EBF2: variants seen among roughly 807,000 people sequenced by gnomAD.
The protein encoded by EBF2 is EBF transcription factor 2, also known as transcription factor COE2.
Under a neutral mutation model 72.8 loss-of-function variants are expected in EBF2, and 21 were observed. That is an observed-to-expected ratio of 0.29 (90% confidence interval 0.20 to 0.42). EBF2 has a LOEUF of 0.42. Ranked by LOEUF, EBF2 falls within the 10% of genes least tolerant of loss-of-function variation. The probability of loss-of-function intolerance (pLI) is 1.00; values close to 1 mark genes in which losing one functional copy is unlikely to be tolerated. For missense variants in EBF2, 637 were observed against 731.2 expected, an observed-to-expected ratio of 0.87 and a Z score of 1.49; for synonymous variants, 299 against 274.2, an observed-to-expected ratio of 1.09 and a Z score of -0.89.
chr8:25,882,899 C>T (rs1355913496), intron 10 of EBF2, among the ~76,000 whole-genome samples: 1 of 152,186 alleles, frequency 6.6e-6, no homozygotes, highest in Admixed American at 6.5e-5. Flanking sequence ...TAAATACACA[C>T]GTCATGCAAA....
intron 7 of EBF2, among the ~76,000 whole-genome samples, chr8:25,890,208 C>T (rs576587466): frequency 6.6e-6 from 1 of 152,292 alleles, no homozygotes; most frequent in Admixed American, 6.5e-5. Flanking sequence ...CCACAGAAAG[C>T]TGGTGTGCCA....
intron 6 of EBF2, among the ~76,000 whole-genome samples, chr8:25,971,524 G>A (rs1804189830): frequency 1.3e-5 from 2 of 152,260 alleles, no homozygotes; most frequent in South Asian, 2.1e-4. Flanking sequence ...ATTTATGAGC[G>A]CTAAATTATT....
intron 6 of EBF2, among the ~76,000 whole-genome samples, chr8:26,026,431 T>C (rs747484907): frequency 5.3e-5 from 8 of 152,148 alleles, no homozygotes; most frequent in Admixed American, 3.3e-4. Flanking sequence ...ATTTGACAAA[T>C]AGGGGAACTG....
chr8:25,849,714 C>G (rs1048714458), intron 15 of EBF2, among the ~76,000 whole-genome samples: 1 of 152,108 alleles, frequency 6.6e-6, no homozygotes, highest in African/African-American at 2.4e-5. Flanking sequence ...TGTGTTATGT[C>G]ATGCCATATT....
chr8:25,960,348 G>C (rs1346537324), intron 6 of EBF2, among the ~76,000 whole-genome samples: 1 of 152,186 alleles, frequency 6.6e-6, no homozygotes, highest in Admixed American at 6.5e-5. Context: ...ACAGAGCTCA[G>C]CACAGAGCCC....
intron 6 of EBF2, among the ~76,000 whole-genome samples, chr8:26,005,431 A>AT (rs1804846946): frequency 7.4e-5 from 1 of 13,474 alleles, no homozygotes; most frequent in Non-Finnish European, 1.4e-4. Context: ...TATATATTAT[A>AT]TATATTATAT....
chr8:25,879,626 A>G (rs561522798), intron 10 of EBF2, among the ~76,000 whole-genome samples: 2 of 152,296 alleles, frequency 1.3e-5, no homozygotes, highest in Admixed American at 1.3e-4. Flanking sequence ...AACTGACTTC[A>G]GGGACAGCCC....
At chr8:25,917,199 GTTT>G (rs3034248) in intron 6 of EBF2, among the ~76,000 whole-genome samples, 2 of 143,136 alleles carry the variant, frequency 1.4e-5, no homozygotes, top group African/African-American at 5.1e-5. Context: ...GTGGTTTGGG[GTTT>G]TTTTTTTTTT....
At chr8:25,997,818 A>C (rs1160119446) in intron 6 of EBF2, among the ~76,000 whole-genome samples, 1 of 152,192 alleles carries the variant, frequency 6.6e-6, no homozygotes, top group Non-Finnish European at 1.5e-5. Context: ...ATCTGAGAAA[A>C]AGAACAGCAA....
At chr8:25,980,602 G>T (rs891839072) in intron 6 of EBF2, among the ~76,000 whole-genome samples, 6 of 151,958 alleles carry the variant, frequency 3.9e-5, no homozygotes, top group Admixed American at 1.3e-4. Flanking sequence ...GGGGAGAGAG[G>T]CAATAAATAT....
chr8:25,855,431 G>A (rs1447921718), intron 14 of EBF2, among the ~76,000 whole-genome samples: 1 of 152,102 alleles, frequency 6.6e-6, no homozygotes, highest in East Asian at 1.9e-4. Context: ...TTGAAGTAGT[G>A]CGAGAGCAAA....
At chr8:26,018,139 G>A (rs1438183228) in intron 6 of EBF2, among the ~76,000 whole-genome samples, 1 of 151,370 alleles carries the variant, frequency 6.6e-6, no homozygotes, top group Admixed American at 6.6e-5. Flanking sequence ...TCCCTTCGCA[G>A]GAGCAAACAA....
chr8:25,924,486 G>C (rs1803353956), intron 6 of EBF2, among the ~76,000 whole-genome samples: 1 of 152,172 alleles, frequency 6.6e-6, no homozygotes, highest in Non-Finnish European at 1.5e-5. Flanking sequence ...ACCAAGTTAG[G>C]GAGGGATCAA....
At chr8:25,934,799 C>T (rs1411955204) in intron 6 of EBF2, among the ~76,000 whole-genome samples, 1 of 152,196 alleles carries the variant, frequency 6.6e-6, no homozygotes, top group Non-Finnish European at 1.5e-5. Context: ...CGTATCCCAT[C>T]AGGTCTGCTT....
At chr8:25,866,024 C>CAA (rs550648526) in intron 10 of EBF2, among the ~76,000 whole-genome samples, 13 of 136,016 alleles carry the variant, frequency 9.6e-5, no homozygotes, top group African/African-American at 2.9e-4. Context: ...GACTCCGTCT[C>CAA]AAAAAAAAAA....
intron 6 of EBF2, among the ~76,000 whole-genome samples, chr8:25,953,421 T>C (rs533660571): frequency 6.6e-6 from 1 of 152,296 alleles, no homozygotes; most frequent in South Asian, 2.1e-4. Context: ...GCATTTAAAT[T>C]AAAGAAGAGA....
chr8:25,991,165 T>C, intron 6 of EBF2, among the ~76,000 whole-genome samples: 1 of 152,260 alleles, frequency 6.6e-6, no homozygotes, highest in East Asian at 1.9e-4. Context: ...CCATCATTTT[T>C]CCTCAGCATT....
rs577269902 is a variant in EBF2 at position 25,851,933 on chromosome 8, C to T, written c.1529-1172G>A. On this transcript the variant is annotated intron_variant, in intron 14 of 15. Coordinates refer to ENST00000520164, the MANE Select transcript of EBF2 (RefSeq NM_022659.4). Reference sequence around the variant, plus strand: ...CCCTATAAAAATATATTTTGGGCCACGTCCACCCAATTGCCTGTATAAAGC... The same window carrying T: ...CCCTATAAAAATATATTTTGGGCCATGTCCACCCAATTGCCTGTATAAAGC... Among the ~76,000 whole-genome samples the T allele has an allele frequency of 1.8e-4, 28 of 152,264 alleles. 1 individual carries two copies. The South Asian group carries it at 1.9e-3, about 10-fold the overall frequency.
In EBF2 at chr8:25,914,772, T is replaced by A. The variant is rs538663713; in HGVS notation, c.552-6217A>T. Among the ~76,000 whole-genome samples the A allele has an allele frequency of 1.8e-4, 28 of 152,310 alleles. 1 individual carries two copies. The South Asian group carries it at 5.8e-3, about 32-fold the overall frequency. ...TTTTGTAAGCTGATGTTCTACCGAA[T>A]CCATTTAGTTAAACAATCCCTCAAA... On this transcript the variant is annotated intron_variant, in intron 6 of 15. Transcript: ENST00000520164.
Sources: allele counts gnomAD v4.1 joint callset (sites outside exome capture counted in the v4.1 genomes callset), GRCh38; gene constraint gnomAD v4.1.1; transcripts MANE v1.5; gene names NCBI Gene and HGNC (gene_info 2026-07-23, HGNC 2026-07-21).